FRMPD4: variants seen among roughly 807,000 people sequenced by gnomAD.
FRMPD4 encodes FERM and PDZ domain-containing protein 4.
FRMPD4 carries 22 observed loss-of-function variants against 94.1 expected under a neutral mutation model. That is an observed-to-expected ratio of 0.23 (90% CI 0.17 to 0.33). FRMPD4 has a LOEUF of 0.33. Ranked by LOEUF, FRMPD4 falls within the 10% of genes least tolerant of loss-of-function variation. The probability of loss-of-function intolerance (pLI) is 1.00; values close to 1 mark genes in which losing one functional copy is unlikely to be tolerated. For missense variants in FRMPD4, 1,111 were observed against 1,339.9 expected, an observed-to-expected ratio of 0.83 and a Z score of 2.67; for synonymous variants, 631 against 548.6, an observed-to-expected ratio of 1.15 and a Z score of -2.10.
intron 3 of FRMPD4, among the ~76,000 whole-genome samples, chrX:11,960,844 A>C (rs1423138768): frequency 1.8e-5 from 2 of 112,324 alleles, no homozygotes. Flanking sequence ...GTTAAATTGA[A>C]TTTATTTCAT....
chrX:11,842,315 T>C (rs1338165737), intron 1 of FRMPD4, among the ~76,000 whole-genome samples: 1 of 100,797 alleles, frequency 9.9e-6, no homozygotes, highest in Non-Finnish European at 2.0e-5. Flanking sequence ...GGGGATGGCA[T>C]TGAATCTATA....
At chrX:11,956,408 G>A (rs558295280) in intron 3 of FRMPD4, among the ~76,000 whole-genome samples, 3 of 111,808 alleles carry the variant, frequency 2.7e-5, no homozygotes, top group African/African-American at 9.8e-5. Context: ...GGAGGGGGGA[G>A]ATTTCTTTAG....
intron 3 of FRMPD4, among the ~76,000 whole-genome samples, chrX:12,044,814 T>C (rs1210066309): frequency 8.9e-6 from 1 of 112,294 alleles, no homozygotes; most frequent in Admixed American, 9.4e-5. Context: ...AGAAGCACAA[T>C]AAGGGCTTCT....
intron 3 of FRMPD4, among the ~76,000 whole-genome samples, chrX:12,025,078 A>G (rs898969167): frequency 9.0e-6 from 1 of 110,597 alleles, no homozygotes; most frequent in Non-Finnish European, 1.9e-5. Context: ...CTATAACCTC[A>G]AGAGTCTTGG....
intron 1 of FRMPD4, among the ~76,000 whole-genome samples, chrX:12,270,649 A>G (rs2147844069): frequency 8.9e-6 from 1 of 112,019 alleles, no homozygotes; most frequent in African/African-American, 3.2e-5. Context: ...CCACATATAT[A>G]CTTATATGTA....
intron 1 of FRMPD4, among the ~76,000 whole-genome samples, chrX:11,848,718 C>T (rs144522106): frequency 1.6e-4 from 18 of 110,796 alleles, no homozygotes; most frequent in African/African-American, 5.6e-4. Flanking sequence ...CCCCTCCTAA[C>T]CTACCAGTCC....
At chrX:12,275,267 T>C (rs2054418547) in intron 1 of FRMPD4, among the ~76,000 whole-genome samples, 1 of 110,479 alleles carries the variant, frequency 9.1e-6, no homozygotes, top group African/African-American at 3.3e-5. Flanking sequence ...TCCACCTGCT[T>C]CTGCCACATG....
chrX:11,925,863 A>G (rs761188429), intron 3 of FRMPD4, among the ~76,000 whole-genome samples: 1 of 111,715 alleles, frequency 9.0e-6, no homozygotes, highest in African/African-American at 3.3e-5. Flanking sequence ...CCAAGAGCAA[A>G]CAAATCCCAA....
chrX:12,219,996 C>G (rs147321099), intron 1 of FRMPD4, among the ~76,000 whole-genome samples: 3,157 of 111,441 alleles, frequency 0.028, 109 homozygotes, highest in African/African-American at 0.098. Flanking sequence ...ACAAAATTAG[C>G]CTGGCGTGGT....
intron 1 of FRMPD4, among the ~76,000 whole-genome samples, chrX:12,437,828 G>A (rs893190677): frequency 8.9e-6 from 1 of 111,932 alleles, no homozygotes; most frequent in Admixed American, 9.5e-5. Flanking sequence ...ATAAACGTTA[G>A]TCTATTCTAA....
intron 1 of FRMPD4, among the ~76,000 whole-genome samples, chrX:12,419,458 ATTG>A (rs1459346712): frequency 5.3e-5 from 6 of 112,484 alleles, no homozygotes; most frequent in East Asian, 2.7e-4. Flanking sequence ...ATGAAATAGA[ATTG>A]TTGTTTTTAA....
intron 3 of FRMPD4, among the ~76,000 whole-genome samples, chrX:12,014,708 T>C (rs1024201364): frequency 3.6e-5 from 4 of 111,133 alleles, no homozygotes; most frequent in Non-Finnish European, 7.6e-5. Context: ...TGTGTGTCTG[T>C]GTGTGTGTGT....
chrX:12,606,312 G>A (rs1306942826), intron 2 of FRMPD4, among the ~76,000 whole-genome samples: 1 of 111,332 alleles, frequency 9.0e-6, no homozygotes, highest in Non-Finnish European at 1.9e-5. Flanking sequence ...TTGTCTGGAG[G>A]GCGTACTATA....
intron 3 of FRMPD4, among the ~76,000 whole-genome samples, chrX:11,978,432 G>C (rs1158344453): frequency 1.9e-5 from 2 of 105,952 alleles, no homozygotes; most frequent in African/African-American, 6.9e-5. Flanking sequence ...CTATATCCAA[G>C]AATACTGCAG....
intron 2 of FRMPD4, among the ~76,000 whole-genome samples, chrX:12,559,220 G>T (rs776362835): frequency 1.8e-5 from 2 of 112,470 alleles, no homozygotes; most frequent in Admixed American, 1.9e-4. Context: ...AGAAATATTG[G>T]AGGAGTAGAA....
At chrX:11,974,683 T>C (rs894242304) in intron 3 of FRMPD4, among the ~76,000 whole-genome samples, 3 of 112,288 alleles carry the variant, frequency 2.7e-5, no homozygotes, top group Non-Finnish European at 5.6e-5. Flanking sequence ...TCTTTTTTTC[T>C]TAGCCAGTGA....
At chrX:11,911,727 T>A (rs1400820483) in intron 3 of FRMPD4, among the ~76,000 whole-genome samples, 1 of 112,066 alleles carries the variant, frequency 8.9e-6, no homozygotes, top group East Asian at 2.8e-4. Context: ...ATGAAAGGCA[T>A]CCTTTGGAAC....
At chrX:12,717,162 CT>C (rs764302048) in intron 15 of FRMPD4, 29 bp downstream of exon 15, 18 of 966,197 alleles carry the variant, frequency 1.9e-5, no homozygotes, top group Admixed American at 2.6e-5. Flanking sequence ...CATTCATTCA[CT>C]GATAACCATA....
intron 2 of FRMPD4, among the ~76,000 whole-genome samples, chrX:11,868,346 G>T (rs1339382120): frequency 8.9e-6 from 1 of 111,924 alleles, no homozygotes; most frequent in Non-Finnish European, 1.9e-5. Context: ...TAGAAGAAAG[G>T]CTCATGACCC....
Sources: gnomAD v4.1 joint callset for allele counts (sites outside exome capture counted in the v4.1 genomes callset) on GRCh38, gnomAD v4.1.1 for gene constraint, MANE v1.5 for transcripts, NCBI Gene and HGNC (gene_info 2026-07-23, HGNC 2026-07-21) for gene names.